The following DLG2 variants were observed in gnomAD, a reference collection of about 807,000 sequenced individuals.
DLG2 encodes the protein discs large MAGUK scaffold protein 2.
In DLG2, 45 loss-of-function variants were observed where a neutral mutation model predicts 132.5. That is an observed-to-expected ratio of 0.34 (90% CI 0.27 to 0.44). DLG2 has a LOEUF of 0.44. Among genes scored for constraint, DLG2 ranks in the 20% least tolerant of loss-of-function variants. DLG2 has a pLI of 1.00. For synonymous variants in DLG2, 424 were observed against 419.6 expected, an observed-to-expected ratio of 1.01 and a Z score of -0.13; for missense variants, 1,045 against 1,196.9, an observed-to-expected ratio of 0.87 and a Z score of 1.87.
intron 14 of DLG2, among the ~76,000 whole-genome samples, chr11:83,943,098 C>T (rs547012252): frequency 6.6e-6 from 1 of 152,320 alleles, no homozygotes; most frequent in African/African-American, 2.4e-5. Flanking sequence ...GATTGTGAGG[C>T]TTCCTCAGCC....
At chr11:85,082,735 C>CTTTTT (rs71036458) in intron 6 of DLG2, among the ~76,000 whole-genome samples, 48 of 113,354 alleles carry the variant, frequency 4.2e-4, no homozygotes, top group Admixed American at 5.7e-4. Flanking sequence ...TCTTTTCTTT[C>CTTTTT]TTTTTTTTTT....
In DLG2 at chr11:85,093,559, C is replaced by T. The variant is rs371908608; in HGVS notation, c.357+18102G>A. On this transcript the variant is annotated intron_variant, in intron 6 of 27. Transcript: ENST00000376104. Reference sequence around the variant, plus strand: ...GAAGTTTAATGTACTCATAGCTCCACATGGCTGGGGAGGCCTCACAATCAT... The same window carrying T: ...GAAGTTTAATGTACTCATAGCTCCATATGGCTGGGGAGGCCTCACAATCAT... Among the ~76,000 whole-genome samples the T allele has an allele frequency of 2.6e-5, 4 of 152,166 alleles. No homozygotes were observed. The East Asian group carries it at 7.7e-4, about 29-fold the overall frequency.
chr11:85,509,804 G>T (rs1023296399), intron 3 of DLG2: 6 of 152,000 alleles, frequency 3.9e-5, no homozygotes, highest in Non-Finnish European at 8.8e-5. Flanking sequence ...AATCACAACT[G>T]TGATATAAGC....
intron 7 of DLG2, among the ~76,000 whole-genome samples, chr11:84,380,586 G>A (rs1359452740): frequency 2.0e-5 from 3 of 151,560 alleles, no homozygotes; most frequent in African/African-American, 4.8e-5. Flanking sequence ...ATTGAAAGAA[G>A]AAAACTTATA....
chr11:84,467,854 C>A (rs1036551023), intron 7 of DLG2, among the ~76,000 whole-genome samples: 7 of 151,398 alleles, frequency 4.6e-5, no homozygotes, highest in Admixed American at 6.6e-5. Flanking sequence ...TGAAGATAAT[C>A]TGGCTATCTA....
chr11:83,759,564 C>T (rs752080665), intron 18 of DLG2, among the ~76,000 whole-genome samples: 16 of 151,950 alleles, frequency 1.1e-4, no homozygotes. Context: ...TAGAGTAGTT[C>T]CTCCCTGCAT....
At chr11:84,411,041 G>A (rs2098899814) in intron 7 of DLG2, among the ~76,000 whole-genome samples, 1 of 152,128 alleles carries the variant, frequency 6.6e-6, no homozygotes, top group African/African-American at 2.4e-5. Context: ...CACATACCCT[G>A]CTCCATACAT....
At chr11:83,945,638 A>C (rs986631985) in intron 14 of DLG2, among the ~76,000 whole-genome samples, 4 of 152,178 alleles carry the variant, frequency 2.6e-5, no homozygotes, top group Non-Finnish European at 4.4e-5. Flanking sequence ...GGTGTTTTTA[A>C]ATAGCTGATG....
At chr11:85,575,677 C>T in intron 3 of DLG2, among the ~76,000 whole-genome samples, 1 of 152,084 alleles carries the variant, frequency 6.6e-6, no homozygotes, top group Non-Finnish European at 1.5e-5. Flanking sequence ...AACTATACAA[C>T]TCACTGTCTC....
intron 11 of DLG2, among the ~76,000 whole-genome samples, chr11:84,036,985 A>G (rs901291456): frequency 3.3e-5 from 5 of 152,162 alleles, no homozygotes; most frequent in Non-Finnish European, 7.3e-5. Context: ...CAGGAAAAAG[A>G]TCATTATCAA....
chr11:85,458,720 C>G (rs561906296), intron 3 of DLG2, among the ~76,000 whole-genome samples: 2 of 152,286 alleles, frequency 1.3e-5, no homozygotes, highest in South Asian at 4.1e-4. Context: ...GGGCTGTGAT[C>G]CAGTAGGTGG....
At chr11:85,580,100 ACTCT>A (rs750786891) in intron 3 of DLG2, among the ~76,000 whole-genome samples, 2 of 151,602 alleles carry the variant, frequency 1.3e-5, no homozygotes, top group East Asian at 1.9e-4. Context: ...CCCACTGCAC[ACTCT>A]CTCTCTCTTT....
chr11:84,291,244 A>G (rs1309327507), intron 7 of DLG2, among the ~76,000 whole-genome samples: 5 of 152,138 alleles, frequency 3.3e-5, no homozygotes, highest in Non-Finnish European at 7.4e-5. Context: ...TAAAAGAAAT[A>G]AATCCAATCA....
At chr11:83,937,586 G>A (rs140050312) in intron 14 of DLG2, among the ~76,000 whole-genome samples, 1 of 150,672 alleles carries the variant, frequency 6.6e-6, no homozygotes, top group East Asian at 1.9e-4. Flanking sequence ...GAAAACATTT[G>A]CTCAAATATA....
chr11:84,752,425 G>A (rs1284421898), intron 6 of DLG2, among the ~76,000 whole-genome samples: 1 of 152,044 alleles, frequency 6.6e-6, no homozygotes, highest in Non-Finnish European at 1.5e-5. Flanking sequence ...AAAAACTGTA[G>A]CAGTGTAAGA....
At chr11:85,105,704 T>G (rs1424204126) in intron 6 of DLG2, among the ~76,000 whole-genome samples, 1 of 151,950 alleles carries the variant, frequency 6.6e-6, no homozygotes, top group Non-Finnish European at 1.5e-5. Flanking sequence ...ATAAGAGGAC[T>G]GCTGATAGCA....
At chr11:84,478,771 A>C (rs2099128781) in intron 7 of DLG2, among the ~76,000 whole-genome samples, 1 of 152,146 alleles carries the variant, frequency 6.6e-6, no homozygotes, top group African/African-American at 2.4e-5. Context: ...CAAAGTGTCA[A>C]AAGAGATTAA....
rs551516410 is a variant in DLG2, at chr11:84,217,822, C to T, written c.573+33416G>A. Among the ~76,000 whole-genome samples, 105 of 152,248 alleles carry T rather than the reference C, an allele frequency of 6.9e-4. 2 individuals are homozygous for T. The South Asian group carries it at 0.02, about 29-fold the overall frequency. On this transcript the variant is annotated intron_variant, in intron 8 of 27. Coordinates refer to ENST00000376104, the MANE Select transcript of DLG2 (RefSeq NM_001142699.3). ...AAACATGTTTTCAGTCAGACTATGGCAGAGGTTGCTAGCTGTTCAACAAAT... is the reference window on the plus strand; with the variant it reads ...AAACATGTTTTCAGTCAGACTATGGTAGAGGTTGCTAGCTGTTCAACAAAT...
chr11:85,186,827 A>G (rs2080138137), intron 4 of DLG2, among the ~76,000 whole-genome samples: 1 of 152,084 alleles, frequency 6.6e-6, no homozygotes, highest in Non-Finnish European at 1.5e-5. Flanking sequence ...TCAAGTTATA[A>G]TTCATCATAT....
Sources: allele counts gnomAD v4.1 joint callset (sites outside exome capture counted in the v4.1 genomes callset), GRCh38; gene constraint gnomAD v4.1.1; transcripts MANE v1.5; gene names NCBI Gene and HGNC (gene_info 2026-07-23, HGNC 2026-07-21).